Variants in DNAI4 observed in about 807,000 individuals in gnomAD.
DNAI4 encodes WD repeat domain 78.
A neutral mutation model predicts 105.8 loss-of-function variants in DNAI4; 85 were observed. That is an observed-to-expected ratio of 0.80 (90% confidence interval 0.67 to 0.96). The LOEUF is 0.96. Among genes scored for constraint, DNAI4 ranks in the 40% least tolerant of loss-of-function variants. DNAI4 has a pLI of 0.00. For missense variants in DNAI4, 1,014 were observed against 1,005.6 expected (o/e 1.01, Z -0.11); for synonymous variants, 352 against 331.5 (o/e 1.06, Z -0.67).
At position 66,826,863 on chromosome 1, in the gene DNAI4, C is replaced by T. The variant is rs1267076460; in HGVS notation, c.2296G>A (p.Ala766Thr). ...SPKSSYIFAAANENRVEIWDL... is the reference protein window; with the variant it reads ...SPKSSYIFAATNENRVEIWDL... Reference sequence around the variant, plus strand: ...CAAATCTCCACCCTGTTCTCATTTGCAGCTGCAAATATATAGGATGATTTT... The same window carrying T: ...CAAATCTCCACCCTGTTCTCATTTGTAGCTGCAAATATATAGGATGATTTT... The change falls in exon 15 of 17, where the codon GCA (alanine) becomes ACA (threonine). Residue 766 changes from alanine (A) to threonine (T), a missense_variant. Coordinates refer to ENST00000371026, the MANE Select transcript of DNAI4 (RefSeq NM_024763.5). The T allele has an allele frequency of 1.2e-6, 2 of 1,614,080 alleles. No homozygotes were observed. The highest frequency in any genetic ancestry group is 1.7e-6 in the Non-Finnish European group (2 of 1,180,014).
intron 3 of DNAI4, 21 bp downstream of exon 3, chr1:66,893,208 C>T: frequency 7.5e-7 from 1 of 1,338,610 alleles, no homozygotes; most frequent in Non-Finnish European, 9.8e-7. Flanking sequence ...AAAAAAGGAA[C>T]TATATAATAG....
chr1:66,827,159 G>T, intron 14 of DNAI4, 113 bp from the exon 15 acceptor site: 1 of 853,974 alleles, frequency 1.2e-6, no homozygotes, highest in Non-Finnish European at 1.8e-6. Context: ...ATTCATTATT[G>T]TGTGGGCATT....
intron 2 of DNAI4, among the ~76,000 whole-genome samples, chr1:66,897,280 T>A (rs1204500965): frequency 2.6e-5 from 4 of 152,296 alleles, no homozygotes; most frequent in Middle Eastern, 3.4e-3. Flanking sequence ...CTAAGCAAAG[T>A]GTTCAAGATG....
In DNAI4 at chr1:66,813,269, G is replaced by A. The variant is rs1166408686; in HGVS notation, c.*861C>T. 1 of 152,202 alleles carries A rather than the reference G, an allele frequency of 6.6e-6. No homozygotes were observed. The highest frequency in any genetic ancestry group is 2.4e-5 in the African/African-American group (1 of 41,402). 9.4% of individuals were successfully genotyped at this position (152,202 alleles called of 1,614,324 possible). On this transcript the variant is annotated 3_prime_UTR_variant, in exon 17 of 17. Coordinates refer to ENST00000371026, the MANE Select transcript of DNAI4 (RefSeq NM_024763.5). ...TGTCCTGTGGCCTCAGTTTAACCCA[G>A]GATTTGTTAAAACAAACTGCATAGA...
chr1:66,818,264 AT>A (rs1429859846), intron 16 of DNAI4, among the ~76,000 whole-genome samples: 1 of 152,052 alleles, frequency 6.6e-6, no homozygotes, highest in Non-Finnish European at 1.5e-5. Context: ...ATTTAAGAAA[AT>A]ATAGTATTCA....
intron 2 of DNAI4, 55 bp downstream of exon 2, chr1:66,905,146 A>G (rs765311568): frequency 3.1e-6 from 4 of 1,287,862 alleles, no homozygotes; most frequent in East Asian, 2.6e-5. Context: ...TAACATTTCA[A>G]TTGAGTTTTT....
chr1:66,851,467 T>A (rs1452044455), intron 7 of DNAI4, among the ~76,000 whole-genome samples: 1 of 151,890 alleles, frequency 6.6e-6, no homozygotes, highest in Non-Finnish European at 1.5e-5. Context: ...AACTAATATT[T>A]ATATAATATT....
At chr1:66,845,944 T>C (rs1646266409) in intron 8 of DNAI4, among the ~76,000 whole-genome samples, 1 of 152,046 alleles carries the variant, frequency 6.6e-6, no homozygotes, top group South Asian at 2.1e-4. Flanking sequence ...CTGTCTTGAT[T>C]AGGGTATTGG....
intron 13 of DNAI4, 123 bp downstream of exon 13, chr1:66,833,462 T>G: frequency 8.9e-7 from 1 of 1,124,196 alleles, no homozygotes; most frequent in Non-Finnish European, 1.2e-6. Context: ...CTACTTTCTG[T>G]CTCTAATATA....
In DNAI4 at chr1:66,890,808, G is replaced by C. The variant is rs1309808414; in HGVS notation, c.643+346C>G. 1 of 296,200 alleles carries C rather than the reference G, an allele frequency of 3.4e-6. No homozygotes were observed. The highest frequency in any genetic ancestry group is 2.4e-5 in the African/African-American group (1 of 41,808). 18.3% of individuals were successfully genotyped at this position (296,200 alleles called of 1,614,324 possible). ...GAGGAAGAAGAAGTGAGGAAGAAGAGGAAAAGAAGAGGAAAAGAGGAAGAG... is the reference window on the plus strand; with the variant it reads ...GAGGAAGAAGAAGTGAGGAAGAAGACGAAAAGAAGAGGAAAAGAGGAAGAG... On this transcript the variant is annotated intron_variant, in intron 4 of 16. Coordinates refer to ENST00000371026, the MANE Select transcript of DNAI4 (RefSeq NM_024763.5). The surrounding 1 kb of genome is among the most constrained non-coding windows in gnomAD (Gnocchi z 4.1).
intron 7 of DNAI4, among the ~76,000 whole-genome samples, chr1:66,861,810 A>G (rs1646631842): frequency 6.6e-6 from 1 of 152,214 alleles, no homozygotes; most frequent in South Asian, 2.1e-4. Context: ...TTAAGTTGTC[A>G]TAGAGCTAGT....
chr1:66,873,905 G>A (rs545426861), intron 5 of DNAI4, among the ~76,000 whole-genome samples: 172 of 78,652 alleles, frequency 2.2e-3, no homozygotes, highest in African/African-American at 8.2e-3. Flanking sequence ...TCCTTCTTAT[G>A]AGCTTTTAAA....
intron 4 of DNAI4, among the ~76,000 whole-genome samples, chr1:66,878,292 T>C (rs1213474518): frequency 6.6e-6 from 1 of 152,204 alleles, no homozygotes; most frequent in African/African-American, 2.4e-5. Flanking sequence ...TTGTGAGCTC[T>C]TTCTGTTGGC....
chr1:66,882,023 T>C (rs1006331121), intron 4 of DNAI4, among the ~76,000 whole-genome samples: 1 of 152,198 alleles, frequency 6.6e-6, no homozygotes, highest in African/African-American at 2.4e-5. Flanking sequence ...GCCATCCATG[T>C]GAGATATGAC....
intron 6 of DNAI4, among the ~76,000 whole-genome samples, chr1:66,868,724 TC>T (rs1370721019): frequency 6.6e-6 from 1 of 152,078 alleles, no homozygotes; most frequent in Non-Finnish European, 1.5e-5. Context: ...CTTCTCAGCC[TC>T]CATAATTACA....
At chr1:66,870,262 T>TCTCTAC (rs2100651398) in intron 6 of DNAI4, among the ~76,000 whole-genome samples, 1 of 150,574 alleles carries the variant, frequency 6.6e-6, no homozygotes, top group Admixed American at 6.6e-5. Flanking sequence ...TTCAACATGG[T>TCTCTAC]GAAACCCCAT....
In DNAI4 at chr1:66,900,136, C is replaced by T. The variant is rs189253833; in HGVS notation, c.345+5065G>A. On this transcript the variant is annotated intron_variant, in intron 2 of 16. Coordinates refer to ENST00000371026, the MANE Select transcript of DNAI4 (RefSeq NM_024763.5). ...CCAGGCTGGAGTGCAATGGTGCGAT[C>T]TTGGCTTATGGCAACTTCTGCCTCC... 7.2e-5 allele frequency among the ~76,000 whole-genome samples: 11 copies of T among 152,172 alleles called. No homozygotes were observed. The East Asian group carries it at 1.5e-3, about 21-fold the overall frequency.
At chr1:66,919,090 A>G in intron 1 of DNAI4, 1 of 444,550 alleles carries the variant, frequency 2.2e-6, no homozygotes, top group South Asian at 1.6e-5. Flanking sequence ...TACTTCTTAC[A>G]TATATTGATT....
intron 1 of DNAI4, among the ~76,000 whole-genome samples, chr1:66,922,698 AAGAT>A (rs1650582765): frequency 6.6e-6 from 1 of 152,232 alleles, no homozygotes; most frequent in Admixed American, 6.5e-5. Context: ...AGTGAGGTAT[AAGAT>A]AGAAGTCAAG....
Sources: gnomAD v4.1 joint callset for allele counts (sites outside exome capture counted in the v4.1 genomes callset) on GRCh38, gnomAD v4.1.1 for gene constraint, Gnocchi (gnomAD v3.1) non-coding constraint, MANE v1.5 for transcripts, NCBI Gene and HGNC (gene_info 2026-07-23, HGNC 2026-07-21) for gene names.